DNAH1: variants seen among roughly 807,000 people sequenced by gnomAD.
DNAH1 encodes the protein dynein axonemal heavy chain 1, also known as axonemal beta dynein heavy chain 1.
DNAH1 carries 327 observed loss-of-function variants against 484.3 expected under a neutral mutation model. The observed-to-expected ratio is 0.68, with a 90% CI of 0.62 to 0.74. The LOEUF is 0.74. DNAH1 is among the 30% of genes least tolerant of loss of function. The probability of loss-of-function intolerance (pLI) is 0.00; values close to 1 mark genes in which losing one functional copy is unlikely to be tolerated. For missense variants in DNAH1, 5,052 were observed against 5,546.8 expected (o/e 0.91, Z 2.83); for synonymous variants, 2,192 against 2,191.9 (o/e 1.00, Z 0.00).
At chr3:52,399,246 A>G in intron 76 of DNAH1, 45 bp downstream of exon 76, 1 of 1,535,762 alleles carries the variant, frequency 6.5e-7, no homozygotes, top group Non-Finnish European at 8.8e-7. Flanking sequence ...GCTAGGGTAC[A>G]GCCCAGGGAG....
intron 15 of DNAH1, 95 bp downstream of exon 15, chr3:52,350,203 C>G: frequency 6.6e-7 from 1 of 1,526,652 alleles, no homozygotes; most frequent in Non-Finnish European, 8.9e-7. Flanking sequence ...AGGTCGGACT[C>G]AGGAGGCTGA....
chr3:52,386,455 G>T, intron 55 of DNAH1, 110 bp downstream of exon 55: 1 of 1,403,636 alleles, frequency 7.1e-7, no homozygotes, highest in Non-Finnish European at 9.4e-7. Context: ...CCTCATTCCA[G>T]CCCCCAGGGC....
At position 52,362,775 on chromosome 3, in the gene DNAH1, G is replaced by C. The variant is rs1352930075; in HGVS notation, c.5095-220G>C. 6.6e-6 allele frequency among the ~76,000 whole-genome samples: 1 copy of C among 152,188 alleles called. No homozygotes were observed. The highest frequency in any genetic ancestry group is 1.5e-5 in the Non-Finnish European group (1 of 68,036). On this transcript the variant is annotated intron_variant, in intron 31 of 77. Transcript: ENST00000420323. This position sits in a 1 kb window ranked among gnomAD's most constrained non-coding sequence, Gnocchi z 5.1. ...GGAGAAACAGGAAAACAGGAGCCAA[G>C]AGGGGCATCTCCTGGGAGTCATGTG...
intron 22 of DNAH1, among the ~76,000 whole-genome samples, chr3:52,357,034 T>G (rs573173714): frequency 6.6e-5 from 10 of 151,198 alleles, no homozygotes; most frequent in Admixed American, 3.9e-4. Context: ...CTGTTTTTTT[T>G]TTTTTGTTTT....
intron 46 of DNAH1, among the ~76,000 whole-genome samples, chr3:52,377,719 G>A (rs776990791): frequency 3.3e-5 from 5 of 150,040 alleles, no homozygotes; most frequent in Non-Finnish European, 5.9e-5. Flanking sequence ...TTTTTCTCCA[G>A]TTATGTGAAA....
At chr3:52,397,320 C>T (rs140312042) in intron 73 of DNAH1, among the ~76,000 whole-genome samples, 1 of 152,326 alleles carries the variant, frequency 6.6e-6, no homozygotes, top group Non-Finnish European at 1.5e-5. Flanking sequence ...AAGGCAGTAA[C>T]CAGGCCCAGA....
Position 52,364,774 on chromosome 3 carries a change from TGGGCAGCTGGA to T in DNAH1, c.5332-48_5332-38del, listed in dbSNP as rs535524798. On this transcript the variant is annotated intron_variant, in intron 33 of 77. Coordinates refer to ENST00000420323, the MANE Select transcript of DNAH1 (RefSeq NM_015512.5). This position sits in a 1 kb window ranked among gnomAD's most constrained non-coding sequence, Gnocchi z 4.2. The stretch of plus-strand genomic sequence containing the variant: ...AGGAGTGGAACTCTGGGAGGGCTCC[TGGGCAGCTGGA>T]GGGCAGCTGGCCCACTGCCCTGAAG... 21 of 1,606,792 alleles carry T rather than the reference TGGGCAGCTGGA, an allele frequency of 1.3e-5. No individual in the cohort carries two copies. In the African/African-American group the frequency reaches 2.3e-4, roughly 17 times the overall value.
rs377070738 is a variant in DNAH1, at chr3:52,386,168, G to A, written c.8634G>A (p.Thr2878=). 74 of 1,612,506 alleles carry A rather than the reference G, an allele frequency of 4.6e-5. No individual in the cohort carries two copies. The highest frequency in any genetic ancestry group is 5.6e-5 in the Non-Finnish European group (66 of 1,179,144). The change falls in exon 55 of 78, where the codon ACG becomes ACA. Residue 2878 remains threonine (T), a synonymous_variant. Transcript: ENST00000420323. ...MLTMEQIKVD[T]AIAEETRNSV... ...ATGTCTCCCATCCCCAGGTGGATACGGCCATCGCCGAGGAGACCCGGAATT... is the reference window on the plus strand; with the variant it reads ...ATGTCTCCCATCCCCAGGTGGATACAGCCATCGCCGAGGAGACCCGGAATT...
rs373619164 is a variant in DNAH1 at position 52,380,097 on chromosome 3, G to A, written c.7570G>A (p.Asp2524Asn). The part of the protein sequence containing the change: ...LYGDFMSPGS[D>N]VKSYELITSE... Reference sequence around the variant, plus strand: ...CGGGGACTTCATGTCACCAGGCTCCGATGTCAAGTCCTACGAGCTCATCAC... The same window carrying A: ...CGGGGACTTCATGTCACCAGGCTCCAATGTCAAGTCCTACGAGCTCATCAC... Residue 2524 changes from aspartate (D) to asparagine (N), a missense_variant, in exon 48 of 78, where the codon GAT (aspartate) becomes AAT (asparagine). Around this residue, in one of 4 missense-constraint regions of DNAH1, gnomAD observed 2,929 missense variants for 3,409.4 expected, o/e 0.86. Transcript: ENST00000420323. 6 of 1,604,294 alleles carry A rather than the reference G, an allele frequency of 3.7e-6. No individual in the cohort carries two copies. Among genetic ancestry groups the A allele is most frequent in the Non-Finnish European group, 5.1e-6 (6 of 1,175,438 alleles).
At chr3:52,312,354 A>G (rs1346830278), upstream of DNAH1, among the ~76,000 whole-genome samples, 1 of 152,014 alleles carries the variant, frequency 6.6e-6, no homozygotes, top group Non-Finnish European at 1.5e-5. Context: ...GTTGGACCAC[A>G]TGGAGACCTG....
intron 8 of DNAH1, among the ~76,000 whole-genome samples, chr3:52,339,646 C>T (rs1455008220): frequency 2.0e-5 from 3 of 152,154 alleles, no homozygotes; most frequent in Admixed American, 6.5e-5. Flanking sequence ...AAGATGCTCT[C>T]TTTTTCTTAT....
intron 28 of DNAH1, among the ~76,000 whole-genome samples, chr3:52,360,726 C>T (rs1466314409): frequency 6.6e-6 from 1 of 152,224 alleles, no homozygotes; most frequent in Non-Finnish European, 1.5e-5. Context: ...CAGTGAGCAT[C>T]TAATGGGTAT....
At position 52,322,598 on chromosome 3, in the gene DNAH1, T is replaced by TC. The variant is rs1235168707; in HGVS notation, c.158dup (p.Ala54SerfsTer3). 2 of 1,613,674 alleles carry TC rather than the reference T, an allele frequency of 1.2e-6. No individual in the cohort carries two copies. Among genetic ancestry groups the TC allele is most frequent in the Non-Finnish European group, 1.7e-6 (2 of 1,179,818 alleles). Reference sequence around the variant, plus strand: ...GATCAGACTATGGGTTGGGAAATCCTCCAGCCCTTGACCCCAAGCTCCCAC... The same window carrying TC: ...GATCAGACTATGGGTTGGGAAATCCTCCCAGCCCTTGACCCCAAGCTCCCAC... On this transcript the variant is annotated frameshift_variant, in exon 2 of 78. Coordinates refer to ENST00000420323, the MANE Select transcript of DNAH1 (RefSeq NM_015512.5). LOFTEE classifies it high-confidence loss of function.
rs1369301572 is a variant in DNAH1 at position 52,332,174 on chromosome 3, G to C, written c.1066G>C (p.Val356Leu). Residue 356 changes from valine to leucine, a missense_variant, in exon 8 of 78, where the codon GTG becomes CTG. Around this residue, in one of 4 missense-constraint regions of DNAH1, gnomAD observed 1,263 missense variants for 1,218.8 expected, o/e 1.04. Transcript: ENST00000420323. ...RPPLQVCQYW[V>L]PRIQLLFCAE... ...ACCCCTTCAGGTCTGTCAGTACTGG[G>C]TGCCACGGATCCAGCTTCTCTTCTG... 2 of 1,579,018 alleles carry C rather than the reference G, an allele frequency of 1.3e-6. No individual in the cohort carries two copies. Among genetic ancestry groups the C allele is most frequent in the East Asian group, 2.3e-5 (1 of 43,002 alleles).
Position 52,390,885 on chromosome 3 carries a change from C to T in DNAH1, c.9622-50C>T. 3 of 1,549,174 alleles carry T rather than the reference C, an allele frequency of 1.9e-6. No individual in the cohort carries two copies. The South Asian group carries it at 3.6e-5, about 18-fold the overall frequency. ...CGGGAGATGCTGATGCCCTCAGTGA[C>T]CCTGCTTGCAGGAAAGCTCTGACCC... On this transcript the variant is annotated intron_variant, in intron 60 of 77. Transcript: ENST00000420323.
At chr3:52,370,947 G>C in intron 41 of DNAH1, 122 bp downstream of exon 41, 1 of 906,482 alleles carries the variant, frequency 1.1e-6, no homozygotes, top group Non-Finnish European at 1.7e-6. Context: ...CTCAGGCAGC[G>C]GTTATTTGCA....
Position 52,360,381 on chromosome 3 carries a change from C to T in DNAH1, c.4642C>T (p.Leu1548=). 6.2e-7 allele frequency: 1 copy of T among 1,614,000 alleles called. No homozygotes were observed. ...TGAGTTCATCTATGGCTATGAGTACCTGGGCAACAGTGGGAGGCTGGTGAT... is the reference window on the plus strand; with the variant it reads ...TGAGTTCATCTATGGCTATGAGTACTTGGGCAACAGTGGGAGGCTGGTGAT... The part of the protein sequence containing the change: ...NAEFIYGYEY[L]GNSGRLVITP... The change falls in exon 28 of 78, where the codon CTG becomes TTG. Residue 1548 remains leucine (L), a synonymous_variant. Transcript: ENST00000420323.
chr3:52,397,036 G>A lies in DNAH1; in HGVS notation c.11779G>A (p.Asp3927Asn), dbSNP rs765496759. The A allele has an allele frequency of 1.8e-5, 29 of 1,604,078 alleles. No individual in the cohort carries two copies. The highest frequency in any genetic ancestry group is 1.6e-4 in the East Asian group (7 of 44,230). ...GIYHQIPPTY[D>N]LHGYLSYIKS... ...CTACCACCAGATCCCGCCTACCTAC[G>A]ACCTCCACGTGAGTCCAGCCCAAAG... The change falls in exon 73 of 78, where the codon GAC becomes AAC. Residue 3927 changes from aspartate (D) to asparagine (N), a missense_variant. This residue lies in a region of DNAH1 where 853 missense variants were observed against 899.0 expected (regional missense o/e 0.95). Coordinates refer to ENST00000420323, the MANE Select transcript of DNAH1 (RefSeq NM_015512.5).
In DNAH1 at chr3:52,356,717, G is replaced by A. The variant is rs368357694; in HGVS notation, c.3797G>A (p.Arg1266His). 3.0e-5 allele frequency: 49 copies of A among 1,613,766 alleles called. No homozygotes were observed. The highest frequency in any genetic ancestry group is 1.2e-4 in the African/African-American group (9 of 74,924). Residue 1266 changes from arginine to histidine, a missense_variant, in exon 22 of 78, where the codon CGC (arginine) becomes CAC (histidine). Arg to His is a conservative substitution (Grantham distance 29). This residue lies in a region of DNAH1 where 2,929 missense variants were observed against 3,409.4 expected (regional missense o/e 0.86). Transcript: ENST00000420323. ...CAGCAGCTGCCTGTGGAGAGCAAGC[G>A]CTACCAGACCATGGAGCGGATCTGG... ...INQQLPVESK[R>H]YQTMERIWKK... is the part of the protein sequence containing the mutation.
Sources: allele counts gnomAD v4.1 joint callset (sites outside exome capture counted in the v4.1 genomes callset), GRCh38; gene constraint gnomAD v4.1.1; regional missense constraint gnomAD v4.1.1; non-coding constraint Gnocchi (gnomAD v3.1); transcripts MANE v1.5; gene names NCBI Gene and HGNC (gene_info 2026-07-23, HGNC 2026-07-21).